Variants in MCM5 observed in about 807,000 individuals in gnomAD.
MCM5 encodes the protein minichromosome maintenance complex component 5.
Under a neutral mutation model 79.9 loss-of-function variants are expected in MCM5, and 46 were observed. That is an observed-to-expected ratio of 0.58 (90% CI 0.45 to 0.74). MCM5 has a LOEUF of 0.74. Among genes scored for constraint, MCM5 ranks in the 30% least tolerant of loss-of-function variants. The pLI, the probability that MCM5 is intolerant of heterozygous loss-of-function variation, is 0.00. For synonymous variants in MCM5, 404 were observed against 390.5 expected (o/e 1.03, Z -0.41); for missense variants, 883 against 1,017.0 (o/e 0.87, Z 1.79).
At chr22:35,408,321 G>A (rs576337813) in intron 5 of MCM5, 87 bp from the exon 6 acceptor site, 55 of 1,343,530 alleles carry the variant, frequency 4.1e-5, no homozygotes, top group East Asian at 1.9e-4. Context: ...CGCTGGCAAC[G>A]TCTCCTTGCT....
the MCM5 span, among the ~76,000 whole-genome samples, chr22:35,442,041 G>A: frequency 6.6e-6 from 1 of 151,798 alleles, no homozygotes; most frequent in Non-Finnish European, 1.5e-5. Flanking sequence ...CAATCTGGTC[G>A]AATCTAAATC....
chr22:35,440,254 C>G, the MCM5 span, among the ~76,000 whole-genome samples: 1 of 152,206 alleles, frequency 6.6e-6, no homozygotes, highest in Non-Finnish European at 1.5e-5. Context: ...GAGAAAGAAG[C>G]CTGCGTCAGA....
chr22:35,402,961 C>G (rs1484993147), intron 2 of MCM5, among the ~76,000 whole-genome samples: 4 of 152,184 alleles, frequency 2.6e-5, no homozygotes, highest in Non-Finnish European at 5.9e-5. Flanking sequence ...TTGAAACATC[C>G]TTTGACTGTC....
the MCM5 span, among the ~76,000 whole-genome samples, chr22:35,448,892 G>A: frequency 6.6e-6 from 1 of 152,152 alleles, no homozygotes; most frequent in Non-Finnish European, 1.5e-5. Context: ...TTTGTCCCAT[G>A]GTGGTGGCAG....
chr22:35,401,763 C>T, intron 2 of MCM5: 2 of 465,310 alleles, frequency 4.3e-6, no homozygotes, highest in South Asian at 1.6e-5. Flanking sequence ...AGGAGTGAGT[C>T]GTGAAGACCA....
intron 1 of MCM5, 103 bp from the exon 2 acceptor site, chr22:35,400,328 G>A: frequency 1.5e-6 from 2 of 1,340,240 alleles, no homozygotes; most frequent in Non-Finnish European, 2.1e-6. Flanking sequence ...AGCGCGGCCG[G>A]GGGTCCCCCT....
downstream of MCM5, among the ~76,000 whole-genome samples, chr22:35,428,970 CT>C (rs35549972): frequency 6.3e-3 from 411 of 65,508 alleles, 2 homozygotes; most frequent in African/African-American, 0.021. Context: ...TTTCTTTGAC[CT>C]TTTTTTTTTT....
the MCM5 span, among the ~76,000 whole-genome samples, chr22:35,438,856 T>TCCATCC: frequency 3.6e-5 from 4 of 109,606 alleles, no homozygotes; most frequent in Non-Finnish European, 5.4e-5. Context: ...TCCACCCACA[T>TCCATCC]ATCCATCCAT....
the MCM5 span, among the ~76,000 whole-genome samples, chr22:35,451,342 G>A: frequency 6.6e-6 from 1 of 152,272 alleles, no homozygotes; most frequent in Admixed American, 6.5e-5. Flanking sequence ...AACTTTGCGG[G>A]TCTCAGTGTG....
At chr22:35,438,411 T>TCATC in the MCM5 span, among the ~76,000 whole-genome samples, 48 of 103,868 alleles carry the variant, frequency 4.6e-4, no homozygotes, top group East Asian at 1.3e-3. Flanking sequence ...ACCCACATAT[T>TCATC]CATCCATCCA....
At chr22:35,453,690 GGA>G in the MCM5 span, among the ~76,000 whole-genome samples, 57 of 149,672 alleles carry the variant, frequency 3.8e-4, no homozygotes, top group African/African-American at 8.8e-4. Flanking sequence ...AGAAAGACAG[GGA>G]GAGAGAGAGA....
intron 13 of MCM5, among the ~76,000 whole-genome samples, chr22:35,418,307 A>T (rs896019473): frequency 2.6e-5 from 4 of 152,184 alleles, no homozygotes; most frequent in African/African-American, 9.7e-5. Flanking sequence ...CTGGGTAAAT[A>T]CTCAGTGAGT....
the MCM5 span, among the ~76,000 whole-genome samples, chr22:35,438,639 TCATC>T: frequency 1.0e-5 from 1 of 97,030 alleles, no homozygotes; most frequent in Non-Finnish European, 2.1e-5. Flanking sequence ...ACCCACATAT[TCATC>T]CATCCATCCA....
At chr22:35,417,373 T>C (rs1034019370) in intron 12 of MCM5, among the ~76,000 whole-genome samples, 7 of 152,184 alleles carry the variant, frequency 4.6e-5, no homozygotes, top group Non-Finnish European at 1.0e-4. Flanking sequence ...AGGCCCCGTC[T>C]TTTCCAGTAC....
rs1383806628 is a variant in MCM5, at chr22:35,415,939, T to C, written c.1314T>C (p.Asp438=). The C allele has an allele frequency of 1.2e-6, 2 of 1,614,100 alleles. No individual in the cohort carries two copies. The highest frequency in any genetic ancestry group is 1.7e-6 in the Non-Finnish European group (2 of 1,180,008). Reference sequence around the variant, plus strand: ...AGGGCGGAGCCATGGTCCTGGCCGATGGTGGGGTCGTCTGTATTGACGAGT... The same window carrying C: ...AGGGCGGAGCCATGGTCCTGGCCGACGGTGGGGTCGTCTGTATTGACGAGT... ...IMEGGAMVLA[D]GGVVCIDEFD... The change falls in exon 10 of 17, where the codon GAT becomes GAC. Residue 438 remains aspartate, a synonymous_variant. Transcript: ENST00000216122.
chr22:35,420,659 A>G (rs1482309437), intron 14 of MCM5, among the ~76,000 whole-genome samples: 1 of 152,212 alleles, frequency 6.6e-6, no homozygotes, highest in Non-Finnish European at 1.5e-5. Context: ...TTCAGCCATC[A>G]CCTCCAGGCA....
chr22:35,444,801 G>T, the MCM5 span, among the ~76,000 whole-genome samples: 1 of 152,196 alleles, frequency 6.6e-6, no homozygotes, highest in East Asian at 1.9e-4. Context: ...ATTGCTTGAG[G>T]CCAGGCATTT....
the MCM5 span, among the ~76,000 whole-genome samples, chr22:35,430,809 CTTT>C: frequency 7.2e-6 from 1 of 139,258 alleles, no homozygotes; most frequent in Non-Finnish European, 1.5e-5. Context: ...TGTACCCAGC[CTTT>C]TTTTTTTTTT....
chr22:35,402,193 C>T (rs937712241), intron 2 of MCM5, among the ~76,000 whole-genome samples: 6 of 152,058 alleles, frequency 3.9e-5, no homozygotes, highest in Non-Finnish European at 7.4e-5. Flanking sequence ...CATTTGACCC[C>T]AGGAGTTCAA....
Sources: allele counts gnomAD v4.1 joint callset (sites outside exome capture counted in the v4.1 genomes callset), GRCh38; gene constraint gnomAD v4.1.1; transcripts MANE v1.5; gene names NCBI Gene and HGNC (gene_info 2026-07-23, HGNC 2026-07-21).